FAM53B: variants seen among roughly 807,000 people sequenced by gnomAD.
FAM53B encodes the protein protein FAM53B.
Under a neutral mutation model 32.7 loss-of-function variants are expected in FAM53B, and 12 were observed. The ratio of observed to expected loss-of-function variants is 0.37; its 90% confidence interval spans 0.24 to 0.59. FAM53B has a LOEUF of 0.59. Ranked by LOEUF, FAM53B falls within the 20% of genes least tolerant of loss-of-function variation. The pLI is 0.72. For synonymous variants in FAM53B, 234 were observed against 228.7 expected (o/e 1.02, Z -0.21); for missense variants, 477 against 577.7 (o/e 0.83, Z 1.79).
chr10:124,689,093 T>C (rs1274690781), intron 3 of FAM53B, among the ~76,000 whole-genome samples: 1 of 152,200 alleles, frequency 6.6e-6, no homozygotes, highest in Non-Finnish European at 1.5e-5. Context: ...GTGCTGACAA[T>C]GAGTATCTCT....
rs1014963908 is a variant in FAM53B at position 124,720,928 on chromosome 10, G to A, written c.-174-14041C>T. 5.9e-5 allele frequency among the ~76,000 whole-genome samples: 9 copies of A among 152,158 alleles called. No individual in the cohort carries two copies. In the South Asian group the frequency reaches 1.2e-3, roughly 21 times the overall value. ...AAGTTCAGAAATCTGGGCCGGGTGCGGTGGCTCACACCTGTCATCCCAGCA... is the reference window on the plus strand; with the variant it reads ...AAGTTCAGAAATCTGGGCCGGGTGCAGTGGCTCACACCTGTCATCCCAGCA... On this transcript the variant is annotated intron_variant, in intron 1 of 4. Transcript: ENST00000337318.
chr10:124,683,737 CCTGA>C (rs34164658), intron 3 of FAM53B, among the ~76,000 whole-genome samples: 58,498 of 151,786 alleles, frequency 0.39, 13,088 homozygotes, highest in Non-Finnish European at 0.51. Flanking sequence ...TGTGGGTGAG[CCTGA>C]CTCTGGCCCT....
At position 124,623,686 on chromosome 10, in the gene FAM53B, G is replaced by A. The variant is rs899059203; in HGVS notation, c.907-82C>T. On this transcript the variant is annotated intron_variant, in intron 4 of 4. Transcript: ENST00000337318. ...GACTGCACACCCCACAAAGCAACTA[G>A]ACCACCAGGCTGTGGCAAGACCAAT... 3 of 1,461,576 alleles carry A rather than the reference G, an allele frequency of 2.1e-6. No homozygotes were observed. The African/African-American group carries it at 4.2e-5, about 20-fold the overall frequency. 90.5% of individuals were successfully genotyped at this position (1,461,576 alleles called of 1,614,324 possible).
chr10:124,699,293 T>G (rs1431012014), intron 2 of FAM53B, among the ~76,000 whole-genome samples: 1 of 152,244 alleles, frequency 6.6e-6, no homozygotes, highest in Non-Finnish European at 1.5e-5. Context: ...GTCCCACTCC[T>G]GCAGCCACAC....
At chr10:124,652,681 G>A (rs1298336111) in intron 4 of FAM53B, among the ~76,000 whole-genome samples, 2 of 152,202 alleles carry the variant, frequency 1.3e-5, no homozygotes, top group Admixed American at 6.5e-5. Context: ...GTATTTTAAT[G>A]ACACAAGGAA....
chr10:124,647,120 T>C (rs768526714), intron 4 of FAM53B, among the ~76,000 whole-genome samples: 3 of 152,146 alleles, frequency 2.0e-5, no homozygotes, highest in Non-Finnish European at 2.9e-5. Context: ...CAGCGAGGCA[T>C]CGGGGCCGCA....
At chr10:124,734,182 C>G (rs1165759079) in intron 1 of FAM53B, among the ~76,000 whole-genome samples, 1 of 152,242 alleles carries the variant, frequency 6.6e-6, no homozygotes, top group Non-Finnish European at 1.5e-5. Context: ...TACACTGTGT[C>G]TAGCACATAG....
chr10:124,641,601 C>T (rs1368669076), intron 4 of FAM53B, among the ~76,000 whole-genome samples: 1 of 152,214 alleles, frequency 6.6e-6, no homozygotes, highest in African/African-American at 2.4e-5. Context: ...CCGAGAGTCA[C>T]GGGGAACTCA....
intron 4 of FAM53B, among the ~76,000 whole-genome samples, chr10:124,650,173 C>T (rs1165105407): frequency 6.6e-6 from 1 of 152,202 alleles, no homozygotes; most frequent in African/African-American, 2.4e-5. Context: ...GATAATTTTA[C>T]AATACTGTAG....
At chr10:124,650,709 C>T (rs766287058) in intron 4 of FAM53B, among the ~76,000 whole-genome samples, 17 of 152,160 alleles carry the variant, frequency 1.1e-4, no homozygotes, top group Admixed American at 2.6e-4. Context: ...AGGCATTCCT[C>T]CTCCAGAAGG....
At chr10:124,694,489 A>G (rs1185405629) in intron 3 of FAM53B, among the ~76,000 whole-genome samples, 3 of 152,234 alleles carry the variant, frequency 2.0e-5, no homozygotes, top group Non-Finnish European at 4.4e-5. Flanking sequence ...CCACCTTATT[A>G]TAACTTACAC....
intron 4 of FAM53B, among the ~76,000 whole-genome samples, chr10:124,655,314 C>G (rs570093066): frequency 6.6e-6 from 1 of 152,266 alleles, no homozygotes; most frequent in South Asian, 2.1e-4. Context: ...AGAGGCTCAG[C>G]ATTTCCACAT....
intron 1 of FAM53B, among the ~76,000 whole-genome samples, chr10:124,722,521 C>A (rs918653747): frequency 6.6e-6 from 1 of 152,144 alleles, no homozygotes; most frequent in Admixed American, 6.5e-5. Context: ...GGAAACTTAA[C>A]ATAAAACCTG....
chr10:124,628,063 C>T (rs980011528), intron 4 of FAM53B, among the ~76,000 whole-genome samples: 3 of 152,208 alleles, frequency 2.0e-5, no homozygotes, highest in Non-Finnish European at 4.4e-5. Flanking sequence ...CAAGCTCATT[C>T]CCTCTCCCAG....
intron 1 of FAM53B, among the ~76,000 whole-genome samples, chr10:124,716,464 T>C (rs975810591): frequency 1.3e-5 from 2 of 152,092 alleles, no homozygotes; most frequent in African/African-American, 4.8e-5. Context: ...TTAAAGCAAA[T>C]AACATTTCAA....
At chr10:124,734,871 C>T (rs1950164544) in intron 1 of FAM53B, among the ~76,000 whole-genome samples, 1 of 152,194 alleles carries the variant, frequency 6.6e-6, no homozygotes, top group Admixed American at 6.5e-5. Context: ...GAGTCAGAGG[C>T]CTGCACCAAC....
At chr10:124,685,774 G>A (rs759845903) in intron 3 of FAM53B, among the ~76,000 whole-genome samples, 4 of 152,158 alleles carry the variant, frequency 2.6e-5, no homozygotes, top group Non-Finnish European at 4.4e-5. Context: ...CCTCCCATCT[G>A]CCTTCCTTTC....
At chr10:124,737,259 AGC>A (rs1950178445) in intron 1 of FAM53B, among the ~76,000 whole-genome samples, 1 of 152,182 alleles carries the variant, frequency 6.6e-6, no homozygotes, top group Non-Finnish European at 1.5e-5. Context: ...CAGGGGGAAG[AGC>A]CCTTATTCAC....
chr10:124,631,629 G>A (rs1002627623), intron 4 of FAM53B, among the ~76,000 whole-genome samples: 3 of 152,160 alleles, frequency 2.0e-5, no homozygotes, highest in Admixed American at 6.5e-5. Flanking sequence ...CACCACTCTC[G>A]GGCTGGCCTT....
Sources: gnomAD v4.1 joint callset for allele counts (sites outside exome capture counted in the v4.1 genomes callset) on GRCh38, gnomAD v4.1.1 for gene constraint, MANE v1.5 for transcripts, NCBI Gene and HGNC (gene_info 2026-07-23, HGNC 2026-07-21) for gene names.